The following KRT3 variants were observed in gnomAD, a reference collection of about 807,000 sequenced individuals.
The protein encoded by KRT3 is keratin 3.
A neutral mutation model predicts 45.8 loss-of-function variants in KRT3; 34 were observed. The observed-to-expected ratio is 0.74, with a 90% CI of 0.57 to 0.99. The LOEUF is 0.99. Ranked by LOEUF, KRT3 falls within the 50% of genes least tolerant of loss-of-function variation. KRT3 has a pLI of 0.00. For missense variants in KRT3, 828 were observed against 820.6 expected (o/e 1.01, Z -0.11); for synonymous variants, 367 against 329.0 (o/e 1.12, Z -1.25).
In KRT3 at chr12:52,791,324, GCTGTAGAGCAGC is replaced by G. The variant is rs1939490848; in HGVS notation, c.1405_1416del (p.Ala469_Gln472del). On this transcript the variant is annotated inframe_deletion, in exon 7 of 9. Transcript: ENST00000417996. Reference sequence around the variant, plus strand: ...AGCCGCGCCAGGTCATCCTTCGCCTGCTGTAGAGCAGCCTGCAGCTCTTGGAGCTTGGCATTG... The same window carrying G: ...AGCCGCGCCAGGTCATCCTTCGCCTGCTGCAGCTCTTGGAGCTTGGCATTG... 1 of 1,614,258 alleles carries G rather than the reference GCTGTAGAGCAGC, an allele frequency of 6.2e-7. No individual in the cohort carries two copies. The highest frequency in any genetic ancestry group is 1.1e-5 in the South Asian group (1 of 91,090).
Position 52,790,752 on chromosome 12 carries a change from T to A in KRT3, c.1570+86A>T, listed in dbSNP as rs1031291555. The stretch of plus-strand genomic sequence containing the variant: ...AAAACCCCTCCAACTTCCGTAAAAA[T>A]ATGTTTAAATTAGTTGCTACTACCC... On this transcript the variant is annotated intron_variant, in intron 8 of 8. Transcript: ENST00000417996. The A allele has an allele frequency of 5.9e-6, 7 of 1,183,020 alleles. No individual in the cohort carries two copies. In the African/African-American group the frequency reaches 1.1e-4, roughly 18 times the overall value. 73.3% of individuals were successfully genotyped at this position (1,183,020 alleles called of 1,614,324 possible). A position where few individuals can be genotyped will look rare whatever the true frequency, so the allele number is the denominator to read the frequency against.
chr12:52,795,929 A>T lies in KRT3; in HGVS notation c.114T>A (p.Ala38=). 1 of 1,614,106 alleles carries T rather than the reference A, an allele frequency of 6.2e-7. No homozygotes were observed. Among genetic ancestry groups the T allele is most frequent in the East Asian group, 2.2e-5 (1 of 44,888 alleles). ...TCCGGAAGCCATAGGCCCCTCCGCC[A>T]GCTCCCCCAGAGTGGGCCACACAGC... is the stretch of plus-strand genomic sequence containing the variant. ...RMSCVAHSGG[A]GGGAYGFRSG... The change falls in exon 1 of 9, where the codon GCT becomes GCA. Residue 38 remains alanine, a synonymous_variant. Transcript: ENST00000417996.
chr12:52,795,569 A>C lies in KRT3; in HGVS notation c.474T>G (p.Pro158=), dbSNP rs1939618059. The change falls in exon 1 of 9, where the codon CCT becomes CCG. Residue 158 remains proline, a synonymous_variant. Coordinates refer to ENST00000417996, the MANE Select transcript of KRT3 (RefSeq NM_057088.3). ...GAAAGCCCCCAGGGCCAAAGCCACC[A>C]GGACTGCCCAAGCTGCCAGGCCCAC... is the stretch of plus-strand genomic sequence containing the variant. ...GFGGPGSLGS[P]GGFGPGGFPG... is the part of the protein sequence containing the mutation. 74 of 1,610,530 alleles carry C rather than the reference A, an allele frequency of 4.6e-5. No homozygotes were observed. The highest frequency in any genetic ancestry group is 6.1e-5 in the Non-Finnish European group (72 of 1,178,186).
At chr12:52,790,941 G>A (rs12312467) in intron 7 of KRT3, 69 bp from the exon 8 acceptor site, 87,596 of 1,449,242 alleles carry the variant, frequency 0.06, 8,611 homozygotes, top group East Asian at 0.48. Context: ...ACGGACCAAG[G>A]GCATGAATAG....
At position 52,789,964 on chromosome 12, in the gene KRT3, G is replaced by A. The variant is rs907023531; in HGVS notation, c.*78C>T. 5.6e-5 allele frequency: 78 copies of A among 1,400,190 alleles called. No homozygotes were observed. Among genetic ancestry groups the A allele is most frequent in the Non-Finnish European group, 7.4e-5 (76 of 1,022,600 alleles). 86.7% of individuals were successfully genotyped at this position (1,400,190 alleles called of 1,614,324 possible). A position where few individuals can be genotyped will look rare whatever the true frequency, so the allele number is the denominator to read the frequency against. ...GCGTTCTTGGGGAGCATGGGGTGGC[G>A]CTGGGGGTGTTGCCAATATGGGGGC... On this transcript the variant is annotated 3_prime_UTR_variant, in exon 9 of 9. Coordinates refer to ENST00000417996, the MANE Select transcript of KRT3 (RefSeq NM_057088.3).
chr12:52,795,707 GCCA>G lies in KRT3; in HGVS notation c.333_335del (p.Gly112del). 2 of 1,611,654 alleles carry G rather than the reference GCCA, an allele frequency of 1.2e-6. No homozygotes were observed. Among genetic ancestry groups the G allele is most frequent in the Admixed American group, 3.3e-5 (2 of 59,810 alleles). ...CACCAAAGCCACCTCCCATTCCTCT[GCCA>G]CCACCAAAGCCACCACCAAAGCCAC... On this transcript the variant is annotated inframe_deletion, in exon 1 of 9. Coordinates refer to ENST00000417996, the MANE Select transcript of KRT3 (RefSeq NM_057088.3).
At chr12:52,790,983 T>C in intron 7 of KRT3, 111 bp from the exon 8 acceptor site, 1 of 1,296,740 alleles carries the variant, frequency 7.7e-7, no homozygotes, top group Non-Finnish European at 1.1e-6. Flanking sequence ...GCCTGGCAAA[T>C]CAGGTAAGCT....
At position 52,795,753 on chromosome 12, in the gene KRT3, AAGCCACCTCCAT is replaced by A; in HGVS notation, c.278_289del (p.Tyr93_Gly96del). 6.2e-7 allele frequency: 1 copy of A among 1,613,668 alleles called. No individual in the cohort carries two copies. Among genetic ancestry groups the A allele is most frequent in the South Asian group, 1.1e-5 (1 of 91,060 alleles). On this transcript the variant is annotated inframe_deletion, in exon 1 of 9. Transcript: ENST00000417996. ...AAAGCCACCTCCATAGCCGCTCCCA[AAGCCACCTCCAT>A]AGCCACCTGCAAAGGCACAGCTGCT... is the stretch of plus-strand genomic sequence containing the variant.
At position 52,796,087 on chromosome 12, in the gene KRT3, A is replaced by G. The variant is rs1379971769; in HGVS notation, c.-45T>C. 3.8e-6 allele frequency: 6 copies of G among 1,597,808 alleles called. No individual in the cohort carries two copies. The highest frequency in any genetic ancestry group is 4.3e-6 in the Non-Finnish European group (5 of 1,169,698). ...AGAAGAGTGTAAGTTAAGCAGGGAC[A>G]CTGAGAGTCAGAGGAAGAGGGATGG... On this transcript the variant is annotated 5_prime_UTR_variant, in exon 1 of 9. Coordinates refer to ENST00000417996, the MANE Select transcript of KRT3 (RefSeq NM_057088.3).
In KRT3 at chr12:52,795,692, A is replaced by G. The variant is rs778486426; in HGVS notation, c.351T>C (p.Gly117=). 6.2e-7 allele frequency: 1 copy of G among 1,610,530 alleles called. No homozygotes were observed. Among genetic ancestry groups the G allele is most frequent in the Non-Finnish European group, 8.5e-7 (1 of 1,179,068 alleles). ...CAAAGCCACCAGCTCCACCAAAGCC[A>G]CCTCCCATTCCTCTGCCACCACCAA... The part of the protein sequence containing the change: ...GGFGGGRGMG[G]GFGGAGGFGG... The change falls in exon 1 of 9, where the codon GGT becomes GGC. Residue 117 remains glycine, a synonymous_variant. Transcript: ENST00000417996.
At chr12:52,794,044 T>C in intron 2 of KRT3, 67 bp downstream of exon 2, 1 of 1,273,976 alleles carries the variant, frequency 7.8e-7, no homozygotes, top group East Asian at 2.3e-5. Flanking sequence ...AGGGGGCATG[T>C]AGAAGGGGCC....
In KRT3 at chr12:52,795,949, C is replaced by A. The variant is rs747935399; in HGVS notation, c.94G>T (p.Val32Leu). Residue 32 changes from valine to leucine, a missense_variant, in exon 1 of 9, where the codon GTG (valine) becomes TTG (leucine). Val to Leu is a conservative substitution (Grantham distance 32). Transcript: ENST00000417996. ...CCGCCAGCTCCCCCAGAGTGGGCCA[C>A]ACAGCTCATCCTGCTGCTGCCGGAG... ...VVSGSSRMSC[V>L]AHSGGAGGGA... The A allele has an allele frequency of 1.2e-6, 2 of 1,614,128 alleles. No individual in the cohort carries two copies. Among genetic ancestry groups the A allele is most frequent in the South Asian group, 2.2e-5 (2 of 91,082 alleles).
chr12:52,795,526 C>T lies in KRT3; in HGVS notation c.517G>A (p.Val173Met). 1 of 1,614,138 alleles carries T rather than the reference C, an allele frequency of 6.2e-7. No homozygotes were observed. Among genetic ancestry groups the T allele is most frequent in the Non-Finnish European group, 8.5e-7 (1 of 1,180,012 alleles). Reference protein sequence around the residue: ...PGGFPGGIQEVTINQSLLQPL... With the variant: ...PGGFPGGIQEMTINQSLLQPL... The stretch of plus-strand genomic sequence containing the variant: ...TGCAGGAGACTCTGGTTGATAGTCA[C>T]TTCCTGAATTCCCCCAGGAAAGCCC... Residue 173 changes from valine (V) to methionine (M), a missense_variant, in exon 1 of 9, where the codon GTG (valine) becomes ATG (methionine). Val to Met is a conservative substitution (Grantham distance 21). Transcript: ENST00000417996.
chr12:52,791,955 A>AAC, intron 5 of KRT3, 139 bp from the exon 6 acceptor site: 1 of 1,016,506 alleles, frequency 9.8e-7, no homozygotes, highest in Non-Finnish European at 1.4e-6. Flanking sequence ...TCAGCAGGGA[A>AAC]ACCCCCAAGG....
chr12:52,793,093 G>A lies in KRT3; in HGVS notation c.927+70C>T, dbSNP rs527447160. On this transcript the variant is annotated intron_variant, in intron 3 of 8. Coordinates refer to ENST00000417996, the MANE Select transcript of KRT3 (RefSeq NM_057088.3). ...CTTGGCAGCTCTGTGGCAGTGGAGT[G>A]AGGAGATTCCCCCAACCCAGCCAGA... 105 of 1,257,008 alleles carry A rather than the reference G, an allele frequency of 8.4e-5. 1 individual carries two copies. In the South Asian group the frequency reaches 1.2e-3, roughly 15 times the overall value. 77.9% of individuals were successfully genotyped at this position (1,257,008 alleles called of 1,614,324 possible). A position where few individuals can be genotyped will look rare whatever the true frequency, so the allele number is the denominator to read the frequency against.
At chr12:52,793,342 A>C in intron 2 of KRT3, 119 bp from the exon 3 acceptor site, 2 of 663,674 alleles carry the variant, frequency 3.0e-6, no homozygotes, top group East Asian at 2.8e-5. Context: ...TGCCCCTCTC[A>C]GATGAGCACA....
chr12:52,791,302 C>A lies in KRT3; in HGVS notation c.1439G>T (p.Arg480Leu). The change falls in exon 7 of 9, where the codon CGG becomes CTG. Residue 480 changes from arginine to leucine, a missense_variant. By Grantham distance (102) the Arg-to-Leu change is moderately radical. Transcript: ENST00000417996. ...ALQQAKDDLA[R>L]LLRDYQELMN... ...CAGCTCCTGGTAGTCACGTAGCAGC[C>A]GCGCCAGGTCATCCTTCGCCTGCTG... is the stretch of plus-strand genomic sequence containing the variant. The A allele has an allele frequency of 6.2e-7, 1 of 1,614,242 alleles. No homozygotes were observed. Among genetic ancestry groups the A allele is most frequent in the Non-Finnish European group, 8.5e-7 (1 of 1,180,046 alleles).
At chr12:52,792,665 A>C (rs1939548775) in intron 4 of KRT3, 46 bp downstream of exon 4, 9 of 1,387,954 alleles carry the variant, frequency 6.5e-6, no homozygotes, top group Non-Finnish European at 8.2e-6. Flanking sequence ...AAATCTGGAA[A>C]CACCTCACTC....
rs372122010 is a variant in KRT3, at chr12:52,791,253, G to T, written c.1488C>A (p.Asp496Glu). ...GCTTGCGGTAGGTGGCGATCTCCAC[G>T]TCCAGGGCCAGCTTGACATTCATCA... ...QELMNVKLAL[D>E]VEIATYRKLL... Residue 496 changes from aspartate (D) to glutamate (E), a missense_variant, in exon 7 of 9, where the codon GAC becomes GAA. Transcript: ENST00000417996. The T allele has an allele frequency of 6.2e-7, 1 of 1,614,218 alleles. No individual in the cohort carries two copies. Among genetic ancestry groups the T allele is most frequent in the Non-Finnish European group, 8.5e-7 (1 of 1,180,022 alleles).
Sources: allele counts gnomAD v4.1 joint callset, GRCh38; gene constraint gnomAD v4.1.1; transcripts MANE v1.5; gene names NCBI Gene and HGNC (gene_info 2026-07-23, HGNC 2026-07-21).